Variants in ATP10D observed in about 807,000 individuals in gnomAD.
The protein encoded by ATP10D is ATPase phospholipid transporting 10D (putative).
ATP10D carries 89 observed loss-of-function variants against 144.8 expected under a neutral mutation model. The observed-to-expected ratio is 0.61, with a 90% CI of 0.52 to 0.73. ATP10D has a LOEUF of 0.73. Ranked by LOEUF, ATP10D falls within the 30% of genes least tolerant of loss-of-function variation. The pLI is 0.00. For missense variants in ATP10D, 1,603 were observed against 1,714.8 expected (o/e 0.93, Z 1.15); for synonymous variants, 571 against 615.1 (o/e 0.93, Z 1.06).
intron 9 of ATP10D, among the ~76,000 whole-genome samples, chr4:47,543,260 A>G (rs1718250535): frequency 6.6e-6 from 1 of 152,188 alleles, no homozygotes; most frequent in Non-Finnish European, 1.5e-5. Flanking sequence ...GTTCAATACT[A>G]TCCGTGGTTT....
intron 20 of ATP10D, among the ~76,000 whole-genome samples, chr4:47,580,758 T>C (rs1286914763): frequency 6.6e-6 from 1 of 152,286 alleles, no homozygotes; most frequent in East Asian, 1.9e-4. Flanking sequence ...GCTATATAAT[T>C]AGATTAGTCA....
At position 47,546,783 on chromosome 4, in the gene ATP10D, G is replaced by C. The variant is rs779280395; in HGVS notation, c.1556G>C (p.Gly519Ala). 6.2e-6 allele frequency: 10 copies of C among 1,613,718 alleles called. No homozygotes were observed. The highest frequency in any genetic ancestry group is 8.5e-6 in the Non-Finnish European group (10 of 1,179,980). The stretch of plus-strand genomic sequence containing the variant: ...AATAAGCCCTCAAATCATCTTGCTG[G>C]GAGCTCTTTTACTCTAGGAAGTGGA... ...LGNKPSNHLA[G>A]SSFTLGSGEG... The change falls in exon 10 of 23, where the codon GGG becomes GCG. Residue 519 changes from glycine to alanine, a missense_variant. Physicochemically the swap from Gly to Ala is moderately conservative, Grantham distance 60. Transcript: ENST00000273859.
chr4:47,531,536 T>C (rs989211896), intron 5 of ATP10D, among the ~76,000 whole-genome samples: 4 of 152,156 alleles, frequency 2.6e-5, no homozygotes, highest in Non-Finnish European at 5.9e-5. Flanking sequence ...GTGTATTTTG[T>C]TAAAAAGAAA....
At chr4:47,546,585 C>G (rs2109434860) in intron 9 of ATP10D, 39 bp from the exon 10 acceptor site, 1 of 1,569,878 alleles carries the variant, frequency 6.4e-7, no homozygotes, top group Non-Finnish European at 8.8e-7. Context: ...ACAAGTGGCT[C>G]TTCTCAGACA....
chr4:47,549,283 A>T (rs1055629872), intron 10 of ATP10D, among the ~76,000 whole-genome samples: 1 of 152,230 alleles, frequency 6.6e-6, no homozygotes, highest in Non-Finnish European at 1.5e-5. Flanking sequence ...GCCTCAGCTC[A>T]AATACCTTCT....
In ATP10D at chr4:47,535,927, C is replaced by T. The variant is rs928701889; in HGVS notation, c.909C>T (p.Asn303=). The change falls in exon 7 of 23, where the codon AAC becomes AAT. Residue 303 remains asparagine (N), a synonymous_variant. Transcript: ENST00000273859. ...GCCATGAAACCAAAGCAATGCTGAA[C>T]AACAGTGGGCCACGGTATAAGCGCA... ...YAGHETKAML[N]NSGPRYKRSK... 1.9e-6 allele frequency: 3 copies of T among 1,612,664 alleles called. No homozygotes were observed. Among genetic ancestry groups the T allele is most frequent in the Non-Finnish European group, 2.5e-6 (3 of 1,179,210 alleles).
chr4:47,530,542 C>G (rs1275831884), intron 5 of ATP10D, among the ~76,000 whole-genome samples: 5 of 152,062 alleles, frequency 3.3e-5, no homozygotes, highest in African/African-American at 1.2e-4. Flanking sequence ...CTGCAACCTC[C>G]ACCTCCTGGT....
chr4:47,515,109 G>A (rs1716560138), intron 2 of ATP10D, among the ~76,000 whole-genome samples: 2 of 151,850 alleles, frequency 1.3e-5, no homozygotes, highest in South Asian at 4.2e-4. Context: ...CACAAGCGTA[G>A]GCCACTACAC....
At chr4:47,561,133 T>C (rs1321861078) in intron 14 of ATP10D, 58 bp downstream of exon 14, 1 of 1,594,208 alleles carries the variant, frequency 6.3e-7, no homozygotes, top group East Asian at 2.2e-5. Context: ...ACTGGATATC[T>C]TTGAATAAGG....
intron 9 of ATP10D, among the ~76,000 whole-genome samples, chr4:47,540,191 C>T (rs1718063080): frequency 1.3e-5 from 2 of 152,148 alleles, no homozygotes; most frequent in Admixed American, 6.5e-5. Flanking sequence ...ACTATTTTAA[C>T]AGTGTATCTG....
At chr4:47,512,870 C>G (rs1473483318) in intron 2 of ATP10D, 40 bp downstream of exon 2, 1 of 1,524,212 alleles carries the variant, frequency 6.6e-7, no homozygotes, top group Non-Finnish European at 8.9e-7. Context: ...GAATATCATT[C>G]TAGTTGATAT....
chr4:47,577,903 C>T (rs143515605), intron 19 of ATP10D, among the ~76,000 whole-genome samples: 10 of 152,336 alleles, frequency 6.6e-5, no homozygotes, highest in East Asian at 1.9e-4. Context: ...GTTTGTCCCA[C>T]GCCCCAGGCA....
intron 5 of ATP10D, among the ~76,000 whole-genome samples, chr4:47,532,372 T>C (rs73237090): frequency 0.23 from 34,330 of 152,102 alleles, 4,508 homozygotes; most frequent in South Asian, 0.31. Flanking sequence ...TCCTCTGATA[T>C]CCGTTTGCTT....
rs184712655 is a variant in ATP10D at position 47,524,005 on chromosome 4, C to T, written c.690+789C>T. ...GCAGTGGCGCAATCTCTGCTCACTG[C>T]AACCACCGCCTCCTGTGTTCAAATG... On this transcript the variant is annotated intron_variant, in intron 4 of 22. Coordinates refer to ENST00000273859, the MANE Select transcript of ATP10D (RefSeq NM_020453.4). Among the ~76,000 whole-genome samples the T allele has an allele frequency of 1.5e-3, 234 of 152,328 alleles. 2 individuals carry two copies. The Middle Eastern group carries it at 0.041, about 27-fold the overall frequency.
Position 47,591,487 on chromosome 4 carries a change from AT to A in ATP10D, c.*110del. The stretch of plus-strand genomic sequence containing the variant: ...TTGTTTTTCCATAAGGGACATGAGC[AT>A]TTTACTAGGCTTGGAAGAGCTGACA... On this transcript the variant is annotated 3_prime_UTR_variant, in exon 23 of 23. Transcript: ENST00000273859. 1.1e-6 allele frequency: 1 copy of A among 927,864 alleles called. No homozygotes were observed. The allele number at this position is 927,864 out of a possible 1,614,324, so 57.5% of individuals were successfully genotyped here.
intron 18 of ATP10D, among the ~76,000 whole-genome samples, chr4:47,574,994 G>C (rs913230834): frequency 1.3e-4 from 19 of 151,846 alleles, no homozygotes; most frequent in Admixed American, 3.3e-4. Context: ...TTTTTTTTGC[G>C]GGGGGAGAGA....
intron 10 of ATP10D, among the ~76,000 whole-genome samples, chr4:47,553,503 G>A (rs987475706): frequency 3.9e-5 from 6 of 152,240 alleles, no homozygotes; most frequent in African/African-American, 1.4e-4. Context: ...TGTGTCATTT[G>A]AGAAAGAAAG....
chr4:47,589,733 T>C (rs1318190531), intron 22 of ATP10D, among the ~76,000 whole-genome samples: 4 of 152,294 alleles, frequency 2.6e-5, no homozygotes, highest in South Asian at 2.1e-4. Flanking sequence ...TTAATTATGA[T>C]GTTTTATATA....
chr4:47,504,217 A>G (rs1305271365), intron 1 of ATP10D, among the ~76,000 whole-genome samples: 2 of 152,236 alleles, frequency 1.3e-5, no homozygotes, highest in Non-Finnish European at 2.9e-5. Flanking sequence ...AGCCCATATT[A>G]GATATATCCA....
Sources: allele counts gnomAD v4.1 joint callset (sites outside exome capture counted in the v4.1 genomes callset), GRCh38; gene constraint gnomAD v4.1.1; transcripts MANE v1.5; gene names NCBI Gene and HGNC (gene_info 2026-07-23, HGNC 2026-07-21).